ADCY2: variants seen among roughly 807,000 people sequenced by gnomAD.
The protein encoded by ADCY2 is adenylate cyclase 2.
ADCY2 carries 31 observed loss-of-function variants against 125.2 expected under a neutral mutation model. The observed-to-expected ratio is 0.25, with a 90% CI of 0.19 to 0.33. The LOEUF is 0.33. ADCY2 is among the 10% of genes least tolerant of loss of function. The probability of loss-of-function intolerance (pLI) is 1.00; values close to 1 mark genes in which losing one functional copy is unlikely to be tolerated. For synonymous variants in ADCY2, 512 were observed against 548.4 expected (o/e 0.93, Z 0.93); for missense variants, 904 against 1,418.2 (o/e 0.64, Z 5.82).
intron 1 of ADCY2, among the ~76,000 whole-genome samples, chr5:7,399,109 A>G (rs1252787231): frequency 6.6e-6 from 1 of 152,236 alleles, no homozygotes; most frequent in Non-Finnish European, 1.5e-5. Flanking sequence ...TTACTTGAAT[A>G]GCTGGGCTGT....
At chr5:7,689,530 G>T (rs1045605407) in intron 4 of ADCY2, among the ~76,000 whole-genome samples, 2 of 152,064 alleles carry the variant, frequency 1.3e-5, no homozygotes, top group Non-Finnish European at 2.9e-5. Context: ...TTCCATGGAG[G>T]GATGAGCGGG....
At chr5:7,720,464 T>C (rs1406187231) in intron 12 of ADCY2, among the ~76,000 whole-genome samples, 2 of 152,144 alleles carry the variant, frequency 1.3e-5, no homozygotes, top group Non-Finnish European at 2.9e-5. Flanking sequence ...TTGTTACATG[T>C]GTATACATGT....
chr5:7,633,164 C>T (rs1466127746), intron 4 of ADCY2, among the ~76,000 whole-genome samples: 1 of 151,806 alleles, frequency 6.6e-6, no homozygotes, highest in African/African-American at 2.4e-5. Flanking sequence ...GGCGCGGTGG[C>T]TCATGCCTGT....
intron 3 of ADCY2, among the ~76,000 whole-genome samples, chr5:7,556,580 G>A (rs1735513283): frequency 6.6e-6 from 1 of 152,102 alleles, no homozygotes; most frequent in Admixed American, 6.5e-5. Context: ...TTCCATTATG[G>A]CTTATGCTTT....
intron 2 of ADCY2, among the ~76,000 whole-genome samples, chr5:7,432,376 C>G (rs961388878): frequency 5.3e-5 from 8 of 152,196 alleles, no homozygotes; most frequent in African/African-American, 1.9e-4. Context: ...CCGCAGATGA[C>G]AAAGCTAAAA....
chr5:7,679,416 A>G (rs752770144), intron 4 of ADCY2, among the ~76,000 whole-genome samples: 1 of 152,220 alleles, frequency 6.6e-6, no homozygotes, highest in African/African-American at 2.4e-5. Context: ...AGAAGACTTC[A>G]GAGCTGGAGC....
intron 2 of ADCY2, among the ~76,000 whole-genome samples, chr5:7,490,693 A>G (rs747402557): frequency 4.6e-5 from 7 of 152,066 alleles, no homozygotes; most frequent in Non-Finnish European, 8.8e-5. Context: ...ACACACACAC[A>G]GGCACACCAT....
chr5:7,618,497 G>A (rs1448114308), intron 3 of ADCY2, among the ~76,000 whole-genome samples: 2 of 152,134 alleles, frequency 1.3e-5, no homozygotes, highest in Non-Finnish European at 2.9e-5. Context: ...ACCCTAAAAT[G>A]GAGTATTATT....
At chr5:7,517,008 T>C (rs1744275216) in intron 2 of ADCY2, among the ~76,000 whole-genome samples, 1 of 152,126 alleles carries the variant, frequency 6.6e-6, no homozygotes, top group African/African-American at 2.4e-5. Flanking sequence ...AGAGGCATTA[T>C]GGGCAGACTT....
chr5:7,507,096 G>C (rs1474176174), intron 2 of ADCY2, among the ~76,000 whole-genome samples: 1 of 151,376 alleles, frequency 6.6e-6, no homozygotes, highest in African/African-American at 2.4e-5. Flanking sequence ...TCACACGCGG[G>C]AGGGCTTGTG....
At chr5:7,641,401 G>A (rs572871603) in intron 4 of ADCY2, among the ~76,000 whole-genome samples, 8 of 152,200 alleles carry the variant, frequency 5.3e-5, no homozygotes, top group East Asian at 1.9e-4. Flanking sequence ...AAAGATGATC[G>A]TGGTATAAGA....
At chr5:7,627,966 G>T (rs1430307866) in intron 4 of ADCY2, among the ~76,000 whole-genome samples, 2 of 152,122 alleles carry the variant, frequency 1.3e-5, no homozygotes, top group Non-Finnish European at 2.9e-5. Flanking sequence ...CGATGTTTTT[G>T]TTTGTTTGTT....
chr5:7,459,175 C>G (rs192030264), intron 2 of ADCY2, among the ~76,000 whole-genome samples: 22 of 152,260 alleles, frequency 1.4e-4, no homozygotes, highest in Non-Finnish European at 2.5e-4. Context: ...AAGGACCAAG[C>G]CAATTCTGCA....
intron 2 of ADCY2, among the ~76,000 whole-genome samples, chr5:7,494,665 G>A (rs1156270520): frequency 1.3e-5 from 2 of 152,098 alleles, no homozygotes; most frequent in Non-Finnish European, 2.9e-5. Flanking sequence ...AGTGTTAGTG[G>A]TTACGGAGGC....
intron 15 of ADCY2, among the ~76,000 whole-genome samples, chr5:7,755,406 GA>G (rs373225975): frequency 0.039 from 5,618 of 145,460 alleles, 343 homozygotes; most frequent in African/African-American, 0.13. Flanking sequence ...CTGGAAGGAA[GA>G]AAAAAAAAAA....
At chr5:7,824,740 A>G (rs1745412138) in intron 24 of ADCY2, among the ~76,000 whole-genome samples, 1 of 152,176 alleles carries the variant, frequency 6.6e-6, no homozygotes, top group Non-Finnish European at 1.5e-5. Flanking sequence ...ATGACATTGC[A>G]GAAAGGTGGA....
chr5:7,457,122 C>A (rs254801), intron 2 of ADCY2, among the ~76,000 whole-genome samples: 4,582 of 152,168 alleles, frequency 0.03, 100 homozygotes, highest in Middle Eastern at 0.078. Context: ...GTTTGAGAAC[C>A]AAGAATGTTG....
At position 7,709,677 on chromosome 5, in the gene ADCY2, G is replaced by A. The variant is rs1436705872; in HGVS notation, c.1578+290G>A. ...AAATACAACTATTTATTAATTGAGG[G>A]GTTTTTTAAGAAAAACTTCTATCAT... On this transcript the variant is annotated intron_variant, in intron 10 of 24. Coordinates refer to ENST00000338316, the MANE Select transcript of ADCY2 (RefSeq NM_020546.3). This position sits in a 1 kb window ranked among gnomAD's most constrained non-coding sequence, Gnocchi z 4.4. Among the ~76,000 whole-genome samples the A allele has an allele frequency of 6.6e-6, 1 of 152,072 alleles. No individual in the cohort carries two copies. The highest frequency in any genetic ancestry group is 1.5e-5 in the Non-Finnish European group (1 of 68,024).
intron 4 of ADCY2, among the ~76,000 whole-genome samples, chr5:7,629,178 G>A (rs1051259661): frequency 6.6e-6 from 1 of 152,226 alleles, no homozygotes; most frequent in Non-Finnish European, 1.5e-5. Flanking sequence ...GCGTCAGAGA[G>A]AGCTGGTGCT....
Sources: gnomAD v4.1 joint callset for allele counts (sites outside exome capture counted in the v4.1 genomes callset) on GRCh38, gnomAD v4.1.1 for gene constraint, Gnocchi (gnomAD v3.1) non-coding constraint, MANE v1.5 for transcripts, NCBI Gene and HGNC (gene_info 2026-07-23, HGNC 2026-07-21) for gene names.